The following AGBL4 variants were observed in gnomAD, a reference collection of about 807,000 sequenced individuals.
AGBL4 encodes the protein cytosolic carboxypeptidase 6.
AGBL4 carries 58 observed loss-of-function variants against 66.4 expected under a neutral mutation model. The observed-to-expected ratio is 0.87, with a 90% confidence interval of 0.71 to 1.09. AGBL4 has a LOEUF of 1.09. Ranked by LOEUF, AGBL4 falls within the 50% of genes least tolerant of loss-of-function variation. AGBL4 has a pLI of 0.00. For synonymous variants in AGBL4, 234 were observed against 222.9 expected, an observed-to-expected ratio of 1.05 and a Z score of -0.44; for missense variants, 579 against 631.0, an observed-to-expected ratio of 0.92 and a Z score of 0.88.
At chr1:48,602,320 G>A (rs530018938) in intron 9 of AGBL4, among the ~76,000 whole-genome samples, 8 of 152,146 alleles carry the variant, frequency 5.3e-5, no homozygotes, top group African/African-American at 9.7e-5. Flanking sequence ...CTTAGAGGAC[G>A]GATTCAGTGA....
intron 6 of AGBL4, among the ~76,000 whole-genome samples, chr1:48,850,583 G>C (rs2148808573): frequency 6.6e-6 from 1 of 152,244 alleles, no homozygotes; most frequent in Admixed American, 6.5e-5. Context: ...AGAATGCAGT[G>C]GTGTGATCTC....
At chr1:49,548,008 G>T (rs367561993) in intron 3 of AGBL4, among the ~76,000 whole-genome samples, 78 of 152,178 alleles carry the variant, frequency 5.1e-4, no homozygotes, top group African/African-American at 1.8e-3. Context: ...TCCTGACCTT[G>T]TGATCCGCCT....
intron 6 of AGBL4, among the ~76,000 whole-genome samples, chr1:48,799,554 G>GTT (rs1444660174): frequency 6.6e-6 from 1 of 152,034 alleles, no homozygotes; most frequent in Non-Finnish European, 1.5e-5. Context: ...AGTGAAAGTG[G>GTT]GTATCCTTGT....
chr1:48,829,268 A>C (rs1027963423), intron 6 of AGBL4, among the ~76,000 whole-genome samples: 9 of 152,252 alleles, frequency 5.9e-5, no homozygotes, highest in Non-Finnish European at 2.9e-5. Flanking sequence ...CCAGGATCGC[A>C]TAGATAGTAA....
intron 5 of AGBL4, among the ~76,000 whole-genome samples, chr1:48,906,722 A>G (rs1033112026): frequency 1.3e-5 from 2 of 152,200 alleles, no homozygotes; most frequent in Admixed American, 6.5e-5. Context: ...TAATTTGGTT[A>G]TTTCCTGTCA....
At position 49,744,604 on chromosome 1, in the gene AGBL4, C is replaced by T. The variant is rs11205645; in HGVS notation, c.158-47167G>A. Among the ~76,000 whole-genome samples, 403 of 151,572 alleles carry T rather than the reference C, an allele frequency of 2.7e-3. 5 individuals are homozygous for T. Among genetic ancestry groups the T allele is most frequent in the African/African-American group, 9.1e-3 (375 of 41,320 alleles). ...TATATATTAATAGTAACTTGAATGCCGAAGAAGAAATACAGAGCATCAGCA... is the reference window on the plus strand; with the variant it reads ...TATATATTAATAGTAACTTGAATGCTGAAGAAGAAATACAGAGCATCAGCA... On this transcript the variant is annotated intron_variant, in intron 2 of 13. Transcript: ENST00000371839.
At chr1:49,576,756 T>C (rs1225072966) in intron 3 of AGBL4, among the ~76,000 whole-genome samples, 1 of 152,186 alleles carries the variant, frequency 6.6e-6, no homozygotes, top group African/African-American at 2.4e-5. Flanking sequence ...CTCTGCCTTC[T>C]CTTCCCCAGT....
intron 5 of AGBL4, among the ~76,000 whole-genome samples, chr1:49,032,139 A>G (rs1431117553): frequency 6.6e-6 from 1 of 152,194 alleles, no homozygotes; most frequent in East Asian, 1.9e-4. Flanking sequence ...CAGTGTGGGT[A>G]GACCATAGGC....
chr1:49,350,404 C>T (rs1181569914), intron 3 of AGBL4, among the ~76,000 whole-genome samples: 3 of 151,870 alleles, frequency 2.0e-5, no homozygotes, highest in Admixed American at 6.6e-5. Context: ...GGGGTTTCAC[C>T]GTTTTAGCCG....
chr1:49,860,984 C>T (rs1485139588), intron 1 of AGBL4, among the ~76,000 whole-genome samples: 1 of 152,150 alleles, frequency 6.6e-6, no homozygotes, highest in Non-Finnish European at 1.5e-5. Context: ...AAGAGCATCT[C>T]TGGCTGCTGA....
At chr1:49,391,596 C>G (rs1644849809) in intron 3 of AGBL4, among the ~76,000 whole-genome samples, 2 of 135,194 alleles carry the variant, frequency 1.5e-5, no homozygotes, top group South Asian at 2.3e-4. Flanking sequence ...GAGTCTCGCT[C>G]TATCGCCCAG....
rs547662580 is a variant in AGBL4 at position 49,006,033 on chromosome 1, C to A, written c.594+39551G>T. ...AAAAGGGAGGAGGAGCCAAGATGGC[C>A]GAATAGGAACAGCTCGGGTCTACAG... On this transcript the variant is annotated intron_variant, in intron 5 of 13. Coordinates refer to ENST00000371839, the MANE Select transcript of AGBL4 (RefSeq NM_032785.4). 1.7e-3 allele frequency among the ~76,000 whole-genome samples: 263 copies of A among 152,062 alleles called. 1 individual carries two copies. The highest frequency in any genetic ancestry group is 5.9e-3 in the African/African-American group (247 of 41,514).
intron 3 of AGBL4, among the ~76,000 whole-genome samples, chr1:49,528,321 T>C (rs1173954372): frequency 6.6e-6 from 1 of 152,116 alleles, no homozygotes; most frequent in African/African-American, 2.4e-5. Context: ...CTTGTTTTTT[T>C]CAACTTAAAC....
chr1:50,023,562 A>G (rs1459458619), intron 1 of AGBL4, among the ~76,000 whole-genome samples: 1 of 151,694 alleles, frequency 6.6e-6, no homozygotes, highest in Non-Finnish European at 1.5e-5. Context: ...ACTCCCCTCC[A>G]CCACCCGGAC....
chr1:49,324,101 T>C (rs1179928522), intron 3 of AGBL4, among the ~76,000 whole-genome samples: 1 of 152,250 alleles, frequency 6.6e-6, no homozygotes, highest in African/African-American at 2.4e-5. Flanking sequence ...GTGCTTCTTA[T>C]CCTGAATTTC....
intron 4 of AGBL4, among the ~76,000 whole-genome samples, chr1:49,105,746 T>C (rs1645280917): frequency 6.6e-6 from 1 of 152,190 alleles, no homozygotes; most frequent in African/African-American, 2.4e-5. Context: ...AGCTACCTCA[T>C]AAGAGTACCT....
intron 4 of AGBL4, among the ~76,000 whole-genome samples, chr1:49,120,381 A>G (rs1645627662): frequency 6.6e-6 from 1 of 152,140 alleles, no homozygotes; most frequent in Non-Finnish European, 1.5e-5. Flanking sequence ...TTGTGACAAA[A>G]TCTATCAGCA....
intron 3 of AGBL4, among the ~76,000 whole-genome samples, chr1:49,674,017 AG>A (rs1571304616): frequency 2.0e-5 from 3 of 152,254 alleles, no homozygotes; most frequent in Admixed American, 6.6e-5. Context: ...AAAGAGTTTC[AG>A]AAAAGGTACA....
At chr1:49,807,443 G>C (rs367862831) in intron 2 of AGBL4, among the ~76,000 whole-genome samples, 2 of 152,282 alleles carry the variant, frequency 1.3e-5, no homozygotes, top group African/African-American at 4.8e-5. Flanking sequence ...CTCCCTTTTA[G>C]AATGAGAGTA....
Sources: allele counts gnomAD v4.1 joint callset (sites outside exome capture counted in the v4.1 genomes callset), GRCh38; gene constraint gnomAD v4.1.1; transcripts MANE v1.5; gene names NCBI Gene and HGNC (gene_info 2026-07-23, HGNC 2026-07-21).